CASK: variants seen among roughly 807,000 people sequenced by gnomAD.
CASK encodes the protein calcium/calmodulin dependent serine protein kinase.
In CASK, 4 loss-of-function variants were observed where a neutral mutation model predicts 82.9. The ratio of observed to expected loss-of-function variants is 0.05; its 90% confidence interval spans 0.02 to 0.11. CASK has a LOEUF of 0.11. Ranked by LOEUF, CASK falls within the 10% of genes least tolerant of loss-of-function variation. CASK has a pLI of 1.00. For missense variants in CASK, 358 were observed against 720.9 expected (o/e 0.50, Z 5.76); for synonymous variants, 259 against 253.5 (o/e 1.02, Z -0.20).
At chrX:41,858,399 ACT>A (rs1314525855) in intron 1 of CASK, among the ~76,000 whole-genome samples, 1 of 111,736 alleles carries the variant, frequency 8.9e-6, no homozygotes, top group Non-Finnish European at 1.9e-5. Context: ...CTAGCAGAGG[ACT>A]CTTAATTTCA....
intron 22 of CASK, among the ~76,000 whole-genome samples, chrX:41,535,426 T>C (rs1279861588): frequency 2.7e-5 from 3 of 110,771 alleles, no homozygotes; most frequent in Non-Finnish European, 5.7e-5. Context: ...AGCTAGATCA[T>C]TTCTAGAGAT....
At chrX:41,649,684 A>G (rs937037963) in intron 8 of CASK, among the ~76,000 whole-genome samples, 4 of 111,697 alleles carry the variant, frequency 3.6e-5, no homozygotes, top group African/African-American at 1.3e-4. Flanking sequence ...TGTGTGGTCA[A>G]TTTTGGAATG....
chrX:41,521,256 A>G (rs888305020), intron 26 of CASK, among the ~76,000 whole-genome samples: 2 of 112,704 alleles, frequency 1.8e-5, no homozygotes, highest in Non-Finnish European at 3.8e-5. Flanking sequence ...AGTGTTACAA[A>G]TAATGGCTGG....
rs1192734535 is a variant in CASK, at chrX:41,752,067, C to CA, written c.279-6467dup. Among the ~76,000 whole-genome samples the CA allele has an allele frequency of 7.5e-4, 71 of 94,580 alleles. 2 individuals carry two copies. Among genetic ancestry groups the CA allele is most frequent in the Middle Eastern group, 5.3e-3 (1 of 188 alleles). The allele number at this position is 94,580 out of a possible 115,157, so 82.1% of individuals were successfully genotyped here. On this transcript the variant is annotated intron_variant, in intron 3 of 26. Coordinates refer to ENST00000378163, the MANE Select transcript of CASK (RefSeq NM_001367721.1). ...TCCCCACCCACCAAAAAAAAAAACA[C>CA]AAAAAAAAAACACCCCAAAAACCTC... is the stretch of plus-strand genomic sequence containing the variant.
At chrX:41,582,414 C>T (rs1260931258) in intron 14 of CASK, among the ~76,000 whole-genome samples, 1 of 111,652 alleles carries the variant, frequency 9.0e-6, no homozygotes, top group African/African-American at 3.3e-5. Context: ...CTCCTGCGTT[C>T]AAGAGATTCT....
At chrX:41,755,384 T>C (rs1273792454) in intron 3 of CASK, among the ~76,000 whole-genome samples, 2 of 111,742 alleles carry the variant, frequency 1.8e-5, no homozygotes, top group Admixed American at 1.9e-4. Context: ...AGGCAATATA[T>C]AAGAATTACA....
chrX:41,752,683 A>G (rs1311649789), intron 3 of CASK, among the ~76,000 whole-genome samples: 1 of 111,850 alleles, frequency 8.9e-6, no homozygotes, highest in Non-Finnish European at 1.9e-5. Flanking sequence ...TTTGCCATTA[A>G]TAGACCCACA....
At chrX:41,613,946 T>C (rs750177997) in intron 11 of CASK, among the ~76,000 whole-genome samples, 106 of 112,428 alleles carry the variant, frequency 9.4e-4, no homozygotes, top group Non-Finnish European at 1.8e-3. Flanking sequence ...TGTGTGGCTG[T>C]CCACGTGGAA....
At chrX:41,854,827 G>A (rs974514957) in intron 1 of CASK, among the ~76,000 whole-genome samples, 8 of 112,043 alleles carry the variant, frequency 7.1e-5, no homozygotes, top group Non-Finnish European at 1.1e-4. Context: ...CCTCAAAACT[G>A]TTCAAAGATT....
At chrX:41,600,550 T>C (rs1466805796) in intron 12 of CASK, among the ~76,000 whole-genome samples, 1 of 112,311 alleles carries the variant, frequency 8.9e-6, no homozygotes, top group Non-Finnish European at 1.9e-5. Flanking sequence ...TGGCACTCAG[T>C]GGGTAACACT....
At chrX:41,695,797 C>T in intron 5 of CASK, 1 of 1,207,398 alleles carries the variant, frequency 8.3e-7, no homozygotes, top group Non-Finnish European at 1.1e-6. Context: ...TTGCTATCTA[C>T]TGTGTTAACC....
chrX:41,556,674 T>C (rs989134257), intron 19 of CASK, among the ~76,000 whole-genome samples: 5 of 112,379 alleles, frequency 4.4e-5, no homozygotes, highest in African/African-American at 1.3e-4. Context: ...TCTGCAAAAT[T>C]CTTACATTTA....
intron 5 of CASK, among the ~76,000 whole-genome samples, chrX:41,678,654 T>C (rs949956762): frequency 6.3e-5 from 7 of 111,234 alleles, no homozygotes; most frequent in African/African-American, 2.0e-4. Context: ...TTTCACTCAA[T>C]GATGTTAGCA....
intron 7 of CASK, among the ~76,000 whole-genome samples, chrX:41,663,440 T>C (rs754179974): frequency 1.8e-5 from 2 of 111,942 alleles, no homozygotes; most frequent in Non-Finnish European, 3.8e-5. Flanking sequence ...CAAAAAAAAA[T>C]TATGATGTAG....
At chrX:41,842,884 CT>C (rs2071073760) in intron 2 of CASK, among the ~76,000 whole-genome samples, 1 of 111,732 alleles carries the variant, frequency 8.9e-6, no homozygotes, top group South Asian at 3.7e-4. Context: ...CTTGCACTTC[CT>C]TGGTTAAATA....
chrX:41,878,744 T>C (rs2071883192), intron 1 of CASK, among the ~76,000 whole-genome samples: 1 of 110,612 alleles, frequency 9.0e-6, no homozygotes, highest in Non-Finnish European at 1.9e-5. Context: ...CTTTGGGGAC[T>C]GGTGGGAGGG....
Position 41,520,611 on chromosome X carries a change from G to C in CASK, c.2605-15C>G. The C allele has an allele frequency of 8.4e-7, 1 of 1,184,854 alleles. No individual in the cohort carries two copies. The highest frequency in any genetic ancestry group is 1.1e-6 in the Non-Finnish European group (1 of 873,755). On this transcript the variant is annotated splice_polypyrimidine_tract_variant and intron_variant, in intron 26 of 26. Transcript: ENST00000378163. Reference sequence around the variant, plus strand: ...AGAGATTCATCCTAAATGGTGATGAGATGGAGGTAGGGGTGGGCATGAGAG... The same window carrying C: ...AGAGATTCATCCTAAATGGTGATGACATGGAGGTAGGGGTGGGCATGAGAG...
chrX:41,754,699 T>C (rs113210798), intron 3 of CASK, among the ~76,000 whole-genome samples: 1,257 of 110,971 alleles, frequency 0.011, 21 homozygotes, highest in African/African-American at 0.038. Context: ...ATACTGAAAC[T>C]TTATGTCACA....
At chrX:41,797,427 G>A (rs762036980) in intron 2 of CASK, among the ~76,000 whole-genome samples, 4 of 110,507 alleles carry the variant, frequency 3.6e-5, no homozygotes, top group Middle Eastern at 4.6e-3. Context: ...TCTAGCAACC[G>A]CCTCCATAGA....
Sources: allele counts gnomAD v4.1 joint callset (sites outside exome capture counted in the v4.1 genomes callset), GRCh38; gene constraint gnomAD v4.1.1; transcripts MANE v1.5; gene names NCBI Gene and HGNC (gene_info 2026-07-23, HGNC 2026-07-21).